Variants in MYBBP1A observed in about 807,000 individuals in gnomAD.
The protein encoded by MYBBP1A is myb-binding protein 1A.
MYBBP1A carries 147 observed loss-of-function variants against 136.3 expected under a neutral mutation model. The observed-to-expected ratio is 1.08, with a 90% CI of 0.94 to 1.24. MYBBP1A has a LOEUF of 1.24. MYBBP1A is among the 50% of genes most tolerant of loss of function. The pLI is 0.00. For synonymous variants in MYBBP1A, 947 were observed against 735.8 expected (o/e 1.29, Z -4.65); for missense variants, 2,060 against 1,727.4 (o/e 1.19, Z -3.41).
chr17:4,542,259 C>T (rs1906504069), intron 22 of MYBBP1A: 6 of 620,048 alleles, frequency 9.7e-6, no homozygotes, highest in Non-Finnish European at 1.4e-5. Flanking sequence ...GCCCCCTCAG[C>T]TCCTGTGTGT....
chr17:4,551,796 C>A (rs142966056), intron 8 of MYBBP1A, 84 bp downstream of exon 8: 2 of 1,235,274 alleles, frequency 1.6e-6, no homozygotes, highest in East Asian at 2.4e-5. Context: ...GCCAAGCCCC[C>A]GAGGTGCCCT....
chr17:4,552,526 G>A lies in MYBBP1A; in HGVS notation c.662C>T (p.Ala221Val), dbSNP rs757383691. 29 of 1,613,880 alleles carry A rather than the reference G, an allele frequency of 1.8e-5. No homozygotes were observed. The Admixed American group carries it at 1.8e-4, about 10-fold the overall frequency. ...GAGCTTGGAGGGCACCTTCTGCTGGGCCAGGAGGAAGAGCTCTAGCTGTTC... is the reference window on the plus strand; with the variant it reads ...GAGCTTGGAGGGCACCTTCTGCTGGACCAGGAGGAAGAGCTCTAGCTGTTC... ...SPEQLELFLL[A>V]QQKVPSKLKK... The change falls in exon 6 of 26, where the codon GCC becomes GTC. Residue 221 changes from alanine to valine, a missense_variant. Transcript: ENST00000254718. The surrounding 1 kb of genome is among the most constrained non-coding windows in gnomAD (Gnocchi z 4.7).
chr17:4,544,914 T>A lies in MYBBP1A; in HGVS notation c.2318A>T (p.Glu773Val). Residue 773 changes from glutamate (E) to valine (V), a missense_variant, in exon 18 of 26, where the codon GAG becomes GTG. By Grantham distance (121) the Glu-to-Val change is moderately radical. Transcript: ENST00000254718. ...CAGCTCCTCCTCGTTCTCACTGTCC[T>A]CTCCACCCTGAGGGACAGAGGCCCA... ...VLQAGKALGGEDSENEEELGD... is the reference protein window; with the variant it reads ...VLQAGKALGGVDSENEEELGD... The A allele has an allele frequency of 6.3e-7, 1 of 1,599,768 alleles. No individual in the cohort carries two copies. The highest frequency in any genetic ancestry group is 8.5e-7 in the Non-Finnish European group (1 of 1,171,996).
intron 24 of MYBBP1A, 112 bp downstream of exon 24, chr17:4,541,351 C>T: frequency 1.0e-6 from 1 of 954,764 alleles, no homozygotes; most frequent in Non-Finnish European, 1.6e-6. Context: ...AGAAGTTTCC[C>T]CACATGACCC....
intron 8 of MYBBP1A, among the ~76,000 whole-genome samples, chr17:4,550,880 G>A (rs1230012535): frequency 2.6e-5 from 4 of 152,252 alleles, no homozygotes; most frequent in East Asian, 1.9e-4. Context: ...AACTCTTTGC[G>A]GTTGGCCAAT....
In MYBBP1A at chr17:4,542,827, C is replaced by T. The variant is rs981900739; in HGVS notation, c.2892+86G>A. On this transcript the variant is annotated intron_variant, in intron 20 of 25. Transcript: ENST00000254718. ...AGCCTGGCCTACCTTCATCAGAAGG[C>T]TGAGGGTTGGGCCCTGGGGAAGTCC... 4.6e-5 allele frequency: 74 copies of T among 1,601,094 alleles called. No individual in the cohort carries two copies. The African/African-American group carries it at 8.8e-4, about 19-fold the overall frequency.
rs1433616950 is a variant in MYBBP1A at position 4,540,262 on chromosome 17, C to CGTGTGTGCAGCGTGTGT, written c.3434+69_3434+85dup. On this transcript the variant is annotated intron_variant, in intron 25 of 25. Transcript: ENST00000254718. The stretch of plus-strand genomic sequence containing the variant: ...CGTGTGCAGTGTGCGTGTGCAGCAG[C>CGTGTGTGCAGCGTGTGT]GTGTGTGCAGCGTGTGTGTGTGTGC... 3 of 1,474,598 alleles carry CGTGTGTGCAGCGTGTGT rather than the reference C, an allele frequency of 2.0e-6. No individual in the cohort carries two copies. The African/African-American group carries it at 4.3e-5, about 21-fold the overall frequency. 91.3% of individuals were successfully genotyped at this position (1,474,598 alleles called of 1,614,324 possible).
rs1906655222 is a variant in MYBBP1A at position 4,543,449 on chromosome 17, C to G, written c.2640-284G>C. ...TGCCTGCCTGGGGCACCCCTCCTGT[C>G]TACACTTGTCTCTCATGGGGCAGTG... On this transcript the variant is annotated intron_variant, in intron 19 of 25. Transcript: ENST00000254718. 1.4e-5 allele frequency: 7 copies of G among 515,644 alleles called. No individual in the cohort carries two copies. In the South Asian group the frequency reaches 2.0e-4, roughly 15 times the overall value. 31.9% of individuals were successfully genotyped at this position (515,644 alleles called of 1,614,324 possible).
chr17:4,555,177 G>T lies in MYBBP1A; in HGVS notation c.148C>A (p.Arg50=), dbSNP rs764744487. 5 of 1,605,658 alleles carry T rather than the reference G, an allele frequency of 3.1e-6. No homozygotes were observed. The highest frequency in any genetic ancestry group is 4.3e-6 in the Non-Finnish European group (5 of 1,176,310). Residue 50 remains arginine (R), a synonymous_variant, in exon 1 of 26, where the codon CGA becomes AGA. Coordinates refer to ENST00000254718, the MANE Select transcript of MYBBP1A (RefSeq NM_014520.4). ...AGCAGCTTCTCCGTGGCCGCAAGTC[G>T]CGTCTCCTGCTCAGGCTTCGCAATG... ...WDIAKPEQET[R]LAATEKLLEY...
At chr17:4,541,093 T>C (rs1906375683) in intron 24 of MYBBP1A, among the ~76,000 whole-genome samples, 1 of 152,214 alleles carries the variant, frequency 6.6e-6, no homozygotes, top group Non-Finnish European at 1.5e-5. Flanking sequence ...CCCTGATGGC[T>C]GCCCACACTC....
Position 4,544,883 on chromosome 17 carries a change from A to G in MYBBP1A, c.2349T>C (p.Asp783=). Residue 783 remains aspartate (D), a synonymous_variant, in exon 18 of 26, where the codon GAT becomes GAC. Coordinates refer to ENST00000254718, the MANE Select transcript of MYBBP1A (RefSeq NM_014520.4). ...TCTGGTCCAGGGCCATCATGGCCTC[A>G]TCCCCCAGCTCCTCCTCGTTCTCAC... ...EDSENEEELG[D]EAMMALDQSL... 6.2e-7 allele frequency: 1 copy of G among 1,607,522 alleles called. No homozygotes were observed. The highest frequency in any genetic ancestry group is 8.5e-7 in the Non-Finnish European group (1 of 1,176,924).
chr17:4,546,475 G>A (rs899581603), intron 13 of MYBBP1A, among the ~76,000 whole-genome samples: 2 of 152,094 alleles, frequency 1.3e-5, no homozygotes, highest in African/African-American at 2.4e-5. Context: ...CCAAAAGCCT[G>A]AAGGGGACAA....
At chr17:4,553,536 C>T (rs1907722163) in intron 5 of MYBBP1A, among the ~76,000 whole-genome samples, 1 of 152,198 alleles carries the variant, frequency 6.6e-6, no homozygotes, top group Non-Finnish European at 1.5e-5. Context: ...ATTTTGGAGA[C>T]ACCTGACAAA....
chr17:4,544,676 G>A lies in MYBBP1A; in HGVS notation c.2482-30C>T, dbSNP rs779027677. 6.5e-5 allele frequency: 95 copies of A among 1,468,968 alleles called. No individual in the cohort carries two copies. The Admixed American group carries it at 1.0e-3, about 16-fold the overall frequency. 91.0% of individuals were successfully genotyped at this position (1,468,968 alleles called of 1,614,324 possible). On this transcript the variant is annotated intron_variant, in intron 18 of 25. Transcript: ENST00000254718. ...AGCCAGGAGGGCAGGTCAGCAACAC[G>A]GGGGTGGGCGCACAGGGAGGCGGGG... is the stretch of plus-strand genomic sequence containing the variant.
Position 4,552,169 on chromosome 17 carries a change from C to T in MYBBP1A, c.861G>A (p.Glu287=), listed in dbSNP as rs1363069480. The change falls in exon 7 of 26, where the codon GAG becomes GAA. Residue 287 remains glutamate, a synonymous_variant. Transcript: ENST00000254718. The surrounding 1 kb of genome is among the most constrained non-coding windows in gnomAD (Gnocchi z 4.7). ...KEDKFPRFWK[E]VVEQGLLKMQ... ...TCTTCAGCAGCCCTTGTTCCACCAC[C>T]TCCTTCCAGAACCGTGGGAACTTGT... 6.2e-7 allele frequency: 1 copy of T among 1,614,238 alleles called. No individual in the cohort carries two copies. The highest frequency in any genetic ancestry group is 1.1e-5 in the South Asian group (1 of 91,090).
chr17:4,552,635 G>A lies in MYBBP1A; in HGVS notation c.562-9C>T, dbSNP rs572689470. ...AATGTGGCCTTCGAGACCTAAGGAT[G>A]GAGGGAGAAGAAATCGTGACTTCCT... On this transcript the variant is annotated splice_polypyrimidine_tract_variant and intron_variant, in intron 5 of 25. Coordinates refer to ENST00000254718, the MANE Select transcript of MYBBP1A (RefSeq NM_014520.4). This position sits in a 1 kb window ranked among gnomAD's most constrained non-coding sequence, Gnocchi z 4.7. 2.0e-5 allele frequency: 32 copies of A among 1,609,056 alleles called. 1 individual carries two copies. The South Asian group carries it at 2.5e-4, about 13-fold the overall frequency.
At chr17:4,540,555 C>T in intron 24 of MYBBP1A, 71 bp from the exon 25 acceptor site, 1 of 1,469,306 alleles carries the variant, frequency 6.8e-7, no homozygotes, top group Non-Finnish European at 9.0e-7. Flanking sequence ...CCAGTCTTCC[C>T]ACCTCTGCCC....
Position 4,541,845 on chromosome 17 carries a change from G to A in MYBBP1A, c.3134C>T (p.Ser1045Leu), listed in dbSNP as rs147859590. 5.8e-5 allele frequency: 93 copies of A among 1,614,060 alleles called. No homozygotes were observed. The African/African-American group carries it at 7.2e-4, about 12-fold the overall frequency. Reference protein sequence around the residue: ...QKTLSMREVRSCFEDPEWKQL... With the variant: ...QKTLSMREVRLCFEDPEWKQL... ...CTTCCACTCGGGGTCCTCAAAGCAC[G>A]ACCTCACCTCCCGCATGGACAGGGT... Residue 1045 changes from serine to leucine, a missense_variant, in exon 23 of 26, where the codon TCG (serine) becomes TTG (leucine). Transcript: ENST00000254718.
At chr17:4,543,806 C>T (rs1039226322) in intron 19 of MYBBP1A, among the ~76,000 whole-genome samples, 1 of 152,176 alleles carries the variant, frequency 6.6e-6, no homozygotes, top group Non-Finnish European at 1.5e-5. Context: ...CCTCCTGGGC[C>T]CTCTGCCTCC....
Sources: allele counts gnomAD v4.1 joint callset (sites outside exome capture counted in the v4.1 genomes callset), GRCh38; gene constraint gnomAD v4.1.1; non-coding constraint Gnocchi (gnomAD v3.1); transcripts MANE v1.5; gene names NCBI Gene and HGNC (gene_info 2026-07-23, HGNC 2026-07-21).